Variants in RALGPS1 observed in about 807,000 individuals in gnomAD.
RALGPS1 encodes ras-specific guanine nucleotide-releasing factor RalGPS1.
A neutral mutation model predicts 78.8 loss-of-function variants in RALGPS1; 19 were observed. The observed-to-expected ratio is 0.24, with a 90% CI of 0.17 to 0.35. The LOEUF is 0.35. Among genes scored for constraint, RALGPS1 ranks in the 10% least tolerant of loss-of-function variants. RALGPS1 has a pLI of 1.00. For synonymous variants in RALGPS1, 228 were observed against 256.3 expected (o/e 0.89, Z 1.06); for missense variants, 454 against 688.3 (o/e 0.66, Z 3.81).
At chr9:126,981,422 G>A (rs557642662) in intron 4 of RALGPS1, among the ~76,000 whole-genome samples, 1 of 152,348 alleles carries the variant, frequency 6.6e-6, no homozygotes, top group Non-Finnish European at 1.5e-5. Context: ...ATGGAGTGGT[G>A]GGCAACACCC....
intron 14 of RALGPS1, among the ~76,000 whole-genome samples, chr9:127,208,427 A>G (rs1166964537): frequency 6.6e-6 from 1 of 152,134 alleles, no homozygotes; most frequent in Non-Finnish European, 1.5e-5. Context: ...TTTATCTCAC[A>G]GTGTGGTGAG....
intron 4 of RALGPS1, among the ~76,000 whole-genome samples, chr9:127,014,141 C>A (rs772491389): frequency 2.3e-4 from 35 of 152,146 alleles, no homozygotes; most frequent in Admixed American, 9.2e-4. Flanking sequence ...CAGAGCAGCC[C>A]GGGCCTGAGG....
chr9:127,158,477 T>C (rs912434867), intron 8 of RALGPS1, among the ~76,000 whole-genome samples: 2 of 152,298 alleles, frequency 1.3e-5, no homozygotes, highest in African/African-American at 4.8e-5. Flanking sequence ...ATCTCTTCCA[T>C]ATTTGAAATC....
At chr9:126,933,048 G>T (rs960870903) in intron 1 of RALGPS1, among the ~76,000 whole-genome samples, 21 of 152,164 alleles carry the variant, frequency 1.4e-4, no homozygotes, top group African/African-American at 4.8e-4. Flanking sequence ...AGCTGGCGAG[G>T]GGGCAGGGGC....
At chr9:127,028,871 C>T (rs766252231) in intron 4 of RALGPS1, among the ~76,000 whole-genome samples, 2 of 152,172 alleles carry the variant, frequency 1.3e-5, no homozygotes, top group African/African-American at 4.8e-5. Context: ...GGGAATCAGC[C>T]TGGTCCATGT....
chr9:127,068,242 G>A (rs2049885108), intron 7 of RALGPS1, among the ~76,000 whole-genome samples: 1 of 152,188 alleles, frequency 6.6e-6, no homozygotes, highest in Non-Finnish European at 1.5e-5. Context: ...TTGACTGTAG[G>A]GGATCTGGAG....
intron 8 of RALGPS1, among the ~76,000 whole-genome samples, chr9:127,121,773 T>C (rs2056114225): frequency 6.6e-6 from 1 of 152,170 alleles, no homozygotes; most frequent in Admixed American, 6.5e-5. Flanking sequence ...GCCTCTGCTC[T>C]CCTCGCCAGC....
At chr9:126,943,304 G>C (rs553360918) in intron 1 of RALGPS1, among the ~76,000 whole-genome samples, 173 of 152,040 alleles carry the variant, frequency 1.1e-3, no homozygotes, top group Admixed American at 1.9e-3. Flanking sequence ...CACCACGCCC[G>C]GCTAATTTTT....
At chr9:127,042,201 C>T (rs981550845) in intron 5 of RALGPS1, among the ~76,000 whole-genome samples, 2 of 151,904 alleles carry the variant, frequency 1.3e-5, no homozygotes, top group African/African-American at 2.4e-5. Context: ...ATAATTCCGC[C>T]GTGGCATGTC....
intron 1 of RALGPS1, among the ~76,000 whole-genome samples, chr9:126,928,583 A>T (rs1349642285): frequency 6.6e-6 from 1 of 152,074 alleles, no homozygotes; most frequent in African/African-American, 2.4e-5. Flanking sequence ...AAATACTACC[A>T]GTGAGGATAC....
At chr9:127,204,355 A>G (rs1470967199) in intron 14 of RALGPS1, among the ~76,000 whole-genome samples, 5 of 152,068 alleles carry the variant, frequency 3.3e-5, no homozygotes, top group African/African-American at 1.2e-4. Context: ...ATTTTTCAGT[A>G]GAGATGGGGG....
chr9:127,192,346 G>A (rs1319952007), intron 11 of RALGPS1, among the ~76,000 whole-genome samples: 1 of 152,244 alleles, frequency 6.6e-6, no homozygotes, highest in Non-Finnish European at 1.5e-5. Flanking sequence ...CAGGCGACTG[G>A]GCAACCCACA....
At chr9:127,195,247 G>C in intron 12 of RALGPS1, 30 bp downstream of exon 12, 1 of 1,602,760 alleles carries the variant, frequency 6.2e-7, no homozygotes, top group Non-Finnish European at 8.5e-7. Context: ...CTCCCGCCGG[G>C]CTTCAGACCG....
chr9:127,130,656 A>C (rs996828529), intron 8 of RALGPS1, among the ~76,000 whole-genome samples: 1 of 152,268 alleles, frequency 6.6e-6, no homozygotes, highest in Non-Finnish European at 1.5e-5. Flanking sequence ...TTGACATCCA[A>C]AAATAATTCA....
chr9:126,999,779 T>G (rs2043120651), intron 4 of RALGPS1, among the ~76,000 whole-genome samples: 1 of 152,248 alleles, frequency 6.6e-6, no homozygotes, highest in African/African-American at 2.4e-5. Flanking sequence ...AAAGCTTCTG[T>G]AAAGATTCAT....
intron 8 of RALGPS1, among the ~76,000 whole-genome samples, chr9:127,085,747 G>T (rs1179242751): frequency 1.3e-5 from 2 of 152,116 alleles, no homozygotes; most frequent in South Asian, 2.1e-4. Flanking sequence ...CTCTGTTTGG[G>T]GTTTTGGAGC....
intron 4 of RALGPS1, among the ~76,000 whole-genome samples, chr9:127,013,482 G>A (rs2133953860): frequency 6.6e-6 from 1 of 152,040 alleles, no homozygotes; most frequent in African/African-American, 2.4e-5. Context: ...TGTTATTGAC[G>A]CCCCCTCTCT....
In RALGPS1 at chr9:127,091,913, A is replaced by G. The variant is rs1371268709; in HGVS notation, c.610+22557A>G. 1 of 1,614,120 alleles carries G rather than the reference A, an allele frequency of 6.2e-7. No homozygotes were observed. Among genetic ancestry groups the G allele is most frequent in the Non-Finnish European group, 8.5e-7 (1 of 1,180,024 alleles). ...TAAATGTTCTCCAGGCCCAGCCAGTATTCGCCGTCAATGTTCCCAAACCCT... is the reference window on the plus strand; with the variant it reads ...TAAATGTTCTCCAGGCCCAGCCAGTGTTCGCCGTCAATGTTCCCAAACCCT... On this transcript the variant is annotated intron_variant, in intron 8 of 18. Transcript: ENST00000259351. The surrounding 1 kb of genome is among the most constrained non-coding windows in gnomAD (Gnocchi z 4.3).
At chr9:127,004,913 A>G (rs919833964) in intron 4 of RALGPS1, among the ~76,000 whole-genome samples, 6 of 152,178 alleles carry the variant, frequency 3.9e-5, no homozygotes, top group African/African-American at 1.4e-4. Flanking sequence ...GAAAACTCAG[A>G]TTTACCCTAA....
Sources: allele counts gnomAD v4.1 joint callset (sites outside exome capture counted in the v4.1 genomes callset), GRCh38; gene constraint gnomAD v4.1.1; non-coding constraint Gnocchi (gnomAD v3.1); transcripts MANE v1.5; gene names NCBI Gene and HGNC (gene_info 2026-07-23, HGNC 2026-07-21).